Variants in CTNND2 observed in about 807,000 individuals in gnomAD.
The protein encoded by CTNND2 is catenin delta 2.
In CTNND2, 22 loss-of-function variants were observed where a neutral mutation model predicts 144.4. That is an observed-to-expected ratio of 0.15 (90% CI 0.11 to 0.22). CTNND2 has a LOEUF of 0.22. Among genes scored for constraint, CTNND2 ranks in the 10% least tolerant of loss-of-function variants. The pLI is 1.00. For synonymous variants in CTNND2, 751 were observed against 695.6 expected (o/e 1.08, Z -1.25); for missense variants, 1,353 against 1,618.8 (o/e 0.84, Z 2.82).
chr5:11,827,299 T>C (rs1793653965), intron 1 of CTNND2, among the ~76,000 whole-genome samples: 2 of 152,160 alleles, frequency 1.3e-5, no homozygotes, highest in Admixed American at 1.3e-4. Context: ...CAACATAGCA[T>C]ATGTGGGACT....
intron 9 of CTNND2, among the ~76,000 whole-genome samples, chr5:11,290,908 G>A (rs892051776): frequency 6.6e-6 from 1 of 152,180 alleles, no homozygotes; most frequent in African/African-American, 2.4e-5. Flanking sequence ...CTGGCAGCTG[G>A]CTTTGTGAAG....
intron 3 of CTNND2, among the ~76,000 whole-genome samples, chr5:11,481,236 G>A (rs1289397999): frequency 6.6e-6 from 1 of 152,150 alleles, no homozygotes; most frequent in Non-Finnish European, 1.5e-5. Context: ...TGCTCCTCAT[G>A]GATTGTTTTC....
At chr5:11,571,903 G>A (rs1777586464) in intron 2 of CTNND2, among the ~76,000 whole-genome samples, 1 of 152,144 alleles carries the variant, frequency 6.6e-6, no homozygotes, top group Admixed American at 6.5e-5. Flanking sequence ...TGGAAGTACT[G>A]TTGCTTTCTT....
intron 11 of CTNND2, among the ~76,000 whole-genome samples, chr5:11,191,823 C>A (rs933249159): frequency 1.3e-5 from 2 of 152,156 alleles, no homozygotes; most frequent in Admixed American, 6.5e-5. Context: ...TTGCAGCCAG[C>A]GAGAGGCAAA....
intron 9 of CTNND2, among the ~76,000 whole-genome samples, chr5:11,312,866 C>T (rs766509656): frequency 5.1e-4 from 78 of 152,176 alleles, no homozygotes; most frequent in Non-Finnish European, 1.0e-3. Flanking sequence ...TTGCTTGTGG[C>T]ATTTTACCCT....
intron 11 of CTNND2, among the ~76,000 whole-genome samples, chr5:11,184,906 C>A (rs1735462541): frequency 6.6e-6 from 1 of 152,186 alleles, no homozygotes; most frequent in African/African-American, 2.4e-5. Context: ...ACCCGCAGCA[C>A]TCGGACTCAA....
chr5:11,186,213 C>A (rs1735610374), intron 11 of CTNND2, among the ~76,000 whole-genome samples: 1 of 152,224 alleles, frequency 6.6e-6, no homozygotes, highest in South Asian at 2.1e-4. Context: ...CAACATTTTA[C>A]TGCTGCAGAA....
chr5:11,014,843 CTCCCCTCACACTT>C (rs1741446506), intron 18 of CTNND2, among the ~76,000 whole-genome samples: 1 of 152,130 alleles, frequency 6.6e-6, no homozygotes. Flanking sequence ...ATTCCCATCT[CTCCCCTCACACTT>C]TCCCTTTTAT....
chr5:11,240,980 T>TGC (rs1403871890), intron 9 of CTNND2, among the ~76,000 whole-genome samples: 1 of 113,188 alleles, frequency 8.8e-6, no homozygotes, highest in African/African-American at 3.5e-5. Context: ...ACCCACATCA[T>TGC]GCACACACAC....
chr5:11,746,606 G>T (rs543241736), intron 1 of CTNND2, among the ~76,000 whole-genome samples: 1 of 151,924 alleles, frequency 6.6e-6, no homozygotes, highest in East Asian at 1.9e-4. Flanking sequence ...CTAAATCAAT[G>T]ATATACTCAA....
intron 3 of CTNND2, among the ~76,000 whole-genome samples, chr5:11,418,102 T>G (rs985482191): frequency 2.0e-5 from 3 of 151,984 alleles, no homozygotes; most frequent in African/African-American, 7.2e-5. Flanking sequence ...GGGTAAGATA[T>G]CGGTTTGAAA....
At chr5:11,134,622 G>A (rs548107666) in intron 12 of CTNND2, among the ~76,000 whole-genome samples, 34 of 152,264 alleles carry the variant, frequency 2.2e-4, no homozygotes, top group African/African-American at 5.1e-4. Flanking sequence ...GATAAACATC[G>A]TTTCTTCAGA....
At chr5:11,182,967 T>G (rs1197570939) in intron 11 of CTNND2, among the ~76,000 whole-genome samples, 1 of 152,190 alleles carries the variant, frequency 6.6e-6, no homozygotes. Flanking sequence ...ATTTTAGAGA[T>G]ATTCCTTTCC....
chr5:11,848,262 G>A (rs1191734501), intron 1 of CTNND2, among the ~76,000 whole-genome samples: 1 of 152,002 alleles, frequency 6.6e-6, no homozygotes, highest in Non-Finnish European at 1.5e-5. Context: ...GAAAAATAAT[G>A]ATAAAGACAT....
chr5:11,119,447 A>G (rs1753865407), intron 12 of CTNND2, among the ~76,000 whole-genome samples: 3 of 152,344 alleles, frequency 2.0e-5, no homozygotes, highest in Admixed American at 6.5e-5. Flanking sequence ...ATTTTTATGT[A>G]AAATTTTATA....
At chr5:11,676,484 G>A (rs769598235) in intron 2 of CTNND2, among the ~76,000 whole-genome samples, 9 of 151,896 alleles carry the variant, frequency 5.9e-5, no homozygotes, top group East Asian at 3.9e-4. Flanking sequence ...GGAAGAGCTC[G>A]CAAAAGAGAT....
At chr5:11,786,750 AT>A (rs1388373276) in intron 1 of CTNND2, among the ~76,000 whole-genome samples, 1 of 152,224 alleles carries the variant, frequency 6.6e-6, no homozygotes, top group Non-Finnish European at 1.5e-5. Context: ...ATTTCCATGA[AT>A]ACACACTTAT....
intron 3 of CTNND2, among the ~76,000 whole-genome samples, chr5:11,521,843 G>T (rs1476869561): frequency 6.6e-6 from 1 of 152,150 alleles, no homozygotes; most frequent in Non-Finnish European, 1.5e-5. Flanking sequence ...AACATAGAGA[G>T]CTTTGCATTC....
intron 21 of CTNND2, among the ~76,000 whole-genome samples, chr5:10,978,007 T>A (rs1162380284): frequency 1.3e-5 from 2 of 152,338 alleles, no homozygotes; most frequent in East Asian, 3.9e-4. Flanking sequence ...TTTCCCTCCA[T>A]GAATTGCTTC....
Sources: allele counts gnomAD v4.1 joint callset (sites outside exome capture counted in the v4.1 genomes callset), GRCh38; gene constraint gnomAD v4.1.1; transcripts MANE v1.5; gene names NCBI Gene and HGNC (gene_info 2026-07-23, HGNC 2026-07-21).